Variants in EVC2 observed in about 807,000 individuals in gnomAD.
The protein encoded by EVC2 is EvC ciliary complex subunit 2.
In EVC2, 148 loss-of-function variants were observed where a neutral mutation model predicts 149.3. The ratio of observed to expected loss-of-function variants is 0.99; its 90% confidence interval spans 0.87 to 1.14. The LOEUF is 1.14. Among genes scored for constraint, EVC2 ranks in the 50% most tolerant of loss-of-function variants. The probability of loss-of-function intolerance (pLI) is 0.00; values close to 1 mark genes in which losing one functional copy is unlikely to be tolerated. For missense variants in EVC2, 1,854 were observed against 1,627.3 expected (o/e 1.14, Z -2.40); for synonymous variants, 776 against 649.9 (o/e 1.19, Z -2.95).
chr4:5,674,586 G>A (rs991182482), intron 7 of EVC2, among the ~76,000 whole-genome samples: 4 of 152,150 alleles, frequency 2.6e-5, no homozygotes, highest in Non-Finnish European at 5.9e-5. Flanking sequence ...GGGAGGGCTC[G>A]GGCATCACAG....
At chr4:5,597,250 C>A (rs1028228570) in intron 16 of EVC2, among the ~76,000 whole-genome samples, 12 of 152,122 alleles carry the variant, frequency 7.9e-5, no homozygotes, top group African/African-American at 2.4e-4. Context: ...CAAAGCCGGG[C>A]AGAGACACAA....
chr4:5,541,380 A>G (rs144159542), downstream of EVC2, among the ~76,000 whole-genome samples: 16 of 152,330 alleles, frequency 1.1e-4, no homozygotes, highest in African/African-American at 3.8e-4. Context: ...TGACGAACAC[A>G]GTGAGAGGGA....
At chr4:5,562,389 C>A (rs1722010282), downstream of EVC2, 18 of 938,838 alleles carry the variant, frequency 1.9e-5, no homozygotes, top group Admixed American at 1.0e-4. This position sits in a 1 kb window ranked among gnomAD's most constrained non-coding sequence, Gnocchi z 4.3. Context: ...GACGTAATTT[C>A]AAATAAATGC....
chr4:5,637,304 G>A lies in EVC2; in HGVS notation c.1470+3210C>T, dbSNP rs1292012929. ...GGGGACGTAACCTCCACTGCAGGAG[G>A]GGGCAGTGTGCGCAGTGGTTGGGGG... is the stretch of plus-strand genomic sequence containing the variant. On this transcript the variant is annotated intron_variant, in intron 10 of 21. Coordinates refer to ENST00000344408, the MANE Select transcript of EVC2 (RefSeq NM_147127.5). This position sits in a 1 kb window ranked among gnomAD's most constrained non-coding sequence, Gnocchi z 4.4. Among the ~76,000 whole-genome samples the A allele has an allele frequency of 6.6e-6, 1 of 152,194 alleles. No individual in the cohort carries two copies. The highest frequency in any genetic ancestry group is 1.5e-5 in the Non-Finnish European group (1 of 68,040).
intron 7 of EVC2, among the ~76,000 whole-genome samples, chr4:5,675,176 G>C (rs1207969782): frequency 6.7e-6 from 1 of 149,944 alleles, no homozygotes; most frequent in African/African-American, 2.5e-5. Context: ...TGTCTCTTAT[G>C]TATATTACAA....
intron 10 of EVC2, 140 bp from the exon 11 acceptor site, chr4:5,632,172 A>G: frequency 1.7e-6 from 2 of 1,160,910 alleles, no homozygotes; most frequent in Non-Finnish European, 1.2e-6. Flanking sequence ...ATGCATTACA[A>G]TATATACACA....
rs75829835 is a variant in EVC2, at chr4:5,584,640, G to C, written c.3040C>G (p.Leu1014Val). Reference sequence around the variant, plus strand: ...GCACTCACCCGGCTGTGCGACTCCAGGATCTGTGTGCAGGCCGACTTGGTC... The same window carrying C: ...GCACTCACCCGGCTGTGCGACTCCACGATCTGTGTGCAGGCCGACTTGGTC... ...MLTKSACTQI[L>V]ESHSRELQEL... The change falls in exon 17 of 22, where the codon CTG becomes GTG. Residue 1014 changes from leucine to valine, a missense_variant. By Grantham distance (32) the Leu-to-Val change is conservative. Coordinates refer to ENST00000344408, the MANE Select transcript of EVC2 (RefSeq NM_147127.5). The C allele has an allele frequency of 2.7e-3, 4,356 of 1,613,570 alleles. 108 individuals carry two copies. In the African/African-American group the frequency reaches 0.05, roughly 19 times the overall value.
In EVC2 at chr4:5,571,613, G is replaced by A. The variant is rs577574371; in HGVS notation, c.3361-2973C>T. On this transcript the variant is annotated intron_variant, in intron 19 of 21. Transcript: ENST00000344408. Reference sequence around the variant, plus strand: ...GATGAAGGAGCAGCAAGAGGAGTAAGGACAAAGAGAGAAATGGAGGACTGA... The same window carrying A: ...GATGAAGGAGCAGCAAGAGGAGTAAAGACAAAGAGAGAAATGGAGGACTGA... Among the ~76,000 whole-genome samples the A allele has an allele frequency of 2.8e-4, 43 of 152,246 alleles. No individual in the cohort carries two copies. In the South Asian group the frequency reaches 8.7e-3, roughly 31 times the overall value.
At chr4:5,647,989 G>A (rs1717848280) in intron 9 of EVC2, among the ~76,000 whole-genome samples, 1 of 152,176 alleles carries the variant, frequency 6.6e-6, no homozygotes, top group Admixed American at 6.5e-5. Context: ...GCCGGAAAAG[G>A]CCAGGAAGGG....
At chr4:5,705,212 C>T (rs963656922) in intron 1 of EVC2, among the ~76,000 whole-genome samples, 2 of 152,154 alleles carry the variant, frequency 1.3e-5, no homozygotes, top group South Asian at 4.1e-4. Flanking sequence ...CGAAATGATA[C>T]TATTAGCATA....
intron 6 of EVC2, among the ~76,000 whole-genome samples, chr4:5,683,348 A>T (rs981833613): frequency 1.3e-5 from 2 of 152,196 alleles, no homozygotes; most frequent in African/African-American, 4.8e-5. Context: ...TGCAGATAAG[A>T]GCCTAAAGCG....
intron 6 of EVC2, among the ~76,000 whole-genome samples, chr4:5,682,567 G>A (rs570737484): frequency 6.6e-6 from 1 of 150,398 alleles, no homozygotes; most frequent in Non-Finnish European, 1.5e-5. Context: ...TCATTATATA[G>A]AACCAGACTG....
chr4:5,695,853 T>C (rs1721442379), intron 2 of EVC2, among the ~76,000 whole-genome samples: 1 of 152,168 alleles, frequency 6.6e-6, no homozygotes, highest in Non-Finnish European at 1.5e-5. Context: ...TTCTATAGAA[T>C]TTCAAAATAT....
chr4:5,610,977 C>T (rs1214223184), intron 16 of EVC2, among the ~76,000 whole-genome samples: 2 of 151,980 alleles, frequency 1.3e-5, no homozygotes, highest in Non-Finnish European at 2.9e-5. Flanking sequence ...TCACACAGCC[C>T]CCAGTGATGC....
Position 5,690,411 on chromosome 4 carries a change from T to TG in EVC2, c.519+853_519+854insC, listed in dbSNP as rs1189057001. ...GATTACAGTGTGGGTTGTTGTTTTT[T>TG]TTTTTTTTTTTAATATGCCTGGGTC... is the stretch of plus-strand genomic sequence containing the variant. On this transcript the variant is annotated intron_variant, in intron 4 of 21. Coordinates refer to ENST00000344408, the MANE Select transcript of EVC2 (RefSeq NM_147127.5). Among the ~76,000 whole-genome samples the TG allele has an allele frequency of 1.1e-4, 17 of 151,902 alleles. No individual in the cohort carries two copies. In the East Asian group the frequency reaches 2.1e-3, roughly 19 times the overall value.
At chr4:5,621,514 G>C (rs1227664218) in intron 14 of EVC2, among the ~76,000 whole-genome samples, 2 of 152,206 alleles carry the variant, frequency 1.3e-5, no homozygotes, top group Non-Finnish European at 2.9e-5. Flanking sequence ...ACATTGGCTA[G>C]GTTAGAGGCC....
chr4:5,550,618 C>T (rs1577088176), intron 21 of EVC2, among the ~76,000 whole-genome samples: 1 of 152,196 alleles, frequency 6.6e-6, no homozygotes, highest in South Asian at 2.1e-4. Context: ...AAAGAAAATC[C>T]TATCTTCTGT....
chr4:5,607,044 A>G (rs1339393126), intron 16 of EVC2, among the ~76,000 whole-genome samples: 1 of 152,218 alleles, frequency 6.6e-6, no homozygotes, highest in Non-Finnish European at 1.5e-5. Flanking sequence ...TGAATAATCT[A>G]AAACATATAA....
intron 16 of EVC2, among the ~76,000 whole-genome samples, chr4:5,608,621 C>T (rs915092252): frequency 6.6e-6 from 1 of 152,176 alleles, no homozygotes; most frequent in South Asian, 2.1e-4. Context: ...GAAACCTCTG[C>T]CTCCCAGCTT....
Sources: allele counts gnomAD v4.1 joint callset (sites outside exome capture counted in the v4.1 genomes callset), GRCh38; gene constraint gnomAD v4.1.1; non-coding constraint Gnocchi (gnomAD v3.1); transcripts MANE v1.5; gene names NCBI Gene and HGNC (gene_info 2026-07-23, HGNC 2026-07-21).